Variants in ASPRV1 observed in about 807,000 individuals in gnomAD.
The protein encoded by ASPRV1 is aspartic peptidase retroviral like 1, also known as retroviral-like aspartic protease 1.
In ASPRV1, 7 loss-of-function variants were observed where a neutral mutation model predicts 11.0. The ratio of observed to expected loss-of-function variants is 0.64; its 90% confidence interval spans 0.36 to 1.20. The LOEUF (loss-of-function observed/expected upper bound fraction) is 1.20, where lower values mean the gene tolerates loss of function less well. ASPRV1 is among the 50% of genes most tolerant of loss of function. ASPRV1 has a pLI of 0.02. For synonymous variants in ASPRV1, 136 were observed against 138.4 expected, an observed-to-expected ratio of 0.98 and a Z score of 0.12; for missense variants, 299 against 320.0, an observed-to-expected ratio of 0.93 and a Z score of 0.50.
At chr2:69,997,841 G>T in the ASPRV1 span, 1 of 152,222 alleles carries the variant, frequency 6.6e-6, no homozygotes, top group Non-Finnish European at 1.5e-5. Context: ...TAAGAACCAC[G>T]GTTACGGCCG....
the ASPRV1 span, among the ~76,000 whole-genome samples, chr2:69,986,100 G>A: frequency 6.6e-6 from 1 of 152,208 alleles, no homozygotes; most frequent in Non-Finnish European, 1.5e-5. Flanking sequence ...AGAGCAGGGG[G>A]CCTGTCAGAC....
the ASPRV1 span, among the ~76,000 whole-genome samples, chr2:69,971,549 A>G: frequency 2.6e-5 from 4 of 152,232 alleles, no homozygotes; most frequent in Non-Finnish European, 5.9e-5. Context: ...TAAAAACACA[A>G]TAAGAATGAA....
At chr2:69,994,052 A>C in the ASPRV1 span, 1 of 152,334 alleles carries the variant, frequency 6.6e-6, no homozygotes, top group Non-Finnish European at 1.5e-5. Flanking sequence ...CTTCCAGTTC[A>C]CGGCTAAAAT....
the ASPRV1 span, among the ~76,000 whole-genome samples, chr2:70,032,841 G>A: frequency 6.6e-6 from 1 of 152,102 alleles, no homozygotes; most frequent in African/African-American, 2.4e-5. Flanking sequence ...AACTCATAAG[G>A]CAGGAAGAGT....
chr2:69,988,512 G>A, the ASPRV1 span: 1 of 313,488 alleles, frequency 3.2e-6, no homozygotes, highest in East Asian at 8.1e-5. Flanking sequence ...GGAGCTGCAG[G>A]GAGGGAAATG....
At chr2:69,990,014 C>T in the ASPRV1 span, among the ~76,000 whole-genome samples, 41 of 152,296 alleles carry the variant, frequency 2.7e-4, 1 homozygote, top group Middle Eastern at 3.4e-3. Context: ...TTAACCCTCA[C>T]GGAAATCCTC....
chr2:70,045,064 TATAG>T, the ASPRV1 span, among the ~76,000 whole-genome samples: 1 of 152,252 alleles, frequency 6.6e-6, no homozygotes, highest in East Asian at 1.9e-4. Flanking sequence ...CATCTCTATA[TATAG>T]AATCTAGTAT....
the ASPRV1 span, among the ~76,000 whole-genome samples, chr2:70,035,529 T>C: frequency 1.3e-5 from 2 of 151,664 alleles, no homozygotes; most frequent in Non-Finnish European, 2.9e-5. Context: ...TGACCATCAT[T>C]TTCTGACTGC....
At chr2:70,067,478 T>C in the ASPRV1 span, among the ~76,000 whole-genome samples, 1 of 152,302 alleles carries the variant, frequency 6.6e-6, no homozygotes, top group East Asian at 1.9e-4. Context: ...AAACTGGAAA[T>C]ACCTTAATGT....
At chr2:69,970,091 A>G in the ASPRV1 span, among the ~76,000 whole-genome samples, 75 of 152,152 alleles carry the variant, frequency 4.9e-4, no homozygotes, top group African/African-American at 1.7e-3. Flanking sequence ...AGTCACAGAC[A>G]CAGGGGGCTT....
At chr2:70,008,833 G>C in the ASPRV1 span, among the ~76,000 whole-genome samples, 1 of 152,014 alleles carries the variant, frequency 6.6e-6, no homozygotes, top group Non-Finnish European at 1.5e-5. Flanking sequence ...TAAAAGGGTT[G>C]GGGTCCTTTC....
At chr2:69,976,321 A>T in the ASPRV1 span, 1 of 152,504 alleles carries the variant, frequency 6.6e-6, no homozygotes, top group African/African-American at 2.4e-5. Context: ...CCTCACGCTC[A>T]CCTGGCTCCC....
At chr2:69,938,876 A>G in the ASPRV1 span, 1 of 152,868 alleles carries the variant, frequency 6.5e-6, no homozygotes, top group Non-Finnish European at 1.5e-5. Flanking sequence ...GGATGGGAGC[A>G]GTATTTCTCA....
upstream of ASPRV1, chr2:69,962,332 G>GC (rs1678154298): frequency 6.3e-6 from 1 of 159,716 alleles, no homozygotes; most frequent in Non-Finnish European, 1.5e-5. Context: ...CTCTGGGTAG[G>GC]CCCCATACTG....
At chr2:69,935,248 G>C in the ASPRV1 span, 1 of 772,112 alleles carries the variant, frequency 1.3e-6, no homozygotes, top group Non-Finnish European at 2.3e-6. Context: ...ATTTGCCATC[G>C]CAAGGCCTGG....
the ASPRV1 span, among the ~76,000 whole-genome samples, chr2:70,063,372 C>T: frequency 6.6e-6 from 1 of 152,168 alleles, no homozygotes; most frequent in Non-Finnish European, 1.5e-5. Flanking sequence ...CTGACAGAGT[C>T]CCGTACTATA....
chr2:69,993,343 G>A, the ASPRV1 span: 1 of 152,380 alleles, frequency 6.6e-6, no homozygotes, highest in Non-Finnish European at 1.5e-5. Flanking sequence ...CCAGCTCAGA[G>A]TCCTCTCTCC....
the ASPRV1 span, among the ~76,000 whole-genome samples, chr2:70,057,231 A>C: frequency 6.6e-6 from 1 of 151,904 alleles, no homozygotes; most frequent in African/African-American, 2.4e-5. Flanking sequence ...GGGAAAACCC[A>C]TCTCTATTAA....
the ASPRV1 span, among the ~76,000 whole-genome samples, chr2:70,082,720 T>A: frequency 6.6e-6 from 1 of 151,690 alleles, no homozygotes; most frequent in African/African-American, 2.4e-5. Context: ...CAAAAATAAA[T>A]ACATAAATTA....
Sources: gnomAD v4.1 joint callset for allele counts (sites outside exome capture counted in the v4.1 genomes callset) on GRCh38, gnomAD v4.1.1 for gene constraint, MANE v1.5 for transcripts, NCBI Gene and HGNC (gene_info 2026-07-23, HGNC 2026-07-21) for gene names.